The following PDIA4 variants were observed in gnomAD, a reference collection of about 807,000 sequenced individuals.
PDIA4 encodes protein disulfide-isomerase A4.
PDIA4 carries 33 observed loss-of-function variants against 62.1 expected under a neutral mutation model. The ratio of observed to expected loss-of-function variants is 0.53; its 90% CI spans 0.40 to 0.71. The LOEUF (loss-of-function observed/expected upper bound fraction) is 0.71. PDIA4 is among the 30% of genes least tolerant of loss of function. The pLI is 0.00. For synonymous variants in PDIA4, 341 were observed against 324.1 expected, an observed-to-expected ratio of 1.05 and a Z score of -0.56; for missense variants, 804 against 813.6, an observed-to-expected ratio of 0.99 and a Z score of 0.14.
At chr7:149,015,581 T>TA (rs1468351071) in intron 3 of PDIA4, among the ~76,000 whole-genome samples, 2 of 151,858 alleles carry the variant, frequency 1.3e-5, no homozygotes, top group Non-Finnish European at 2.9e-5. Context: ...AGAAGGCTTT[T>TA]AAAAAATGCC....
At chr7:149,020,665 G>GGCTCTGTGTCATT (rs1267136405) in intron 2 of PDIA4, among the ~76,000 whole-genome samples, 9 of 152,174 alleles carry the variant, frequency 5.9e-5, no homozygotes, top group Non-Finnish European at 1.0e-4. Context: ...ACCAACACAG[G>GGCTCTGTGTCATT]GCTCTGTGTC....
intron 1 of PDIA4, among the ~76,000 whole-genome samples, chr7:149,027,327 T>C (rs965736301): frequency 6.6e-6 from 1 of 152,306 alleles, no homozygotes; most frequent in East Asian, 1.9e-4. Context: ...GGTTTTTACT[T>C]CCTTTTCTAT....
rs777547407 is a variant in PDIA4 at position 149,006,056 on chromosome 7, G to A, written c.1132-3C>T. On this transcript the variant is annotated splice_polypyrimidine_tract_variant and splice_region_variant and intron_variant, in intron 7 of 9. Transcript: ENST00000652332. ...ATGGCCGAGTCCTGGGTGGAGCCCTGCTTCAAAGAGGGAACAGGTGAGGGG... is the reference window on the plus strand; with the variant it reads ...ATGGCCGAGTCCTGGGTGGAGCCCTACTTCAAAGAGGGAACAGGTGAGGGG... The A allele has an allele frequency of 6.4e-7, 1 of 1,554,446 alleles. No individual in the cohort carries two copies. Among genetic ancestry groups the A allele is most frequent in the Non-Finnish European group, 8.6e-7 (1 of 1,158,626 alleles).
chr7:149,008,625 C>A lies in PDIA4; in HGVS notation c.980-315G>T, dbSNP rs141261666. Among the ~76,000 whole-genome samples the A allele has an allele frequency of 2.9e-3, 447 of 151,866 alleles. 2 individuals are homozygous for A. The highest frequency in any genetic ancestry group is 0.01 in the African/African-American group (430 of 41,348). On this transcript the variant is annotated intron_variant, in intron 6 of 9. Transcript: ENST00000652332. Reference sequence around the variant, plus strand: ...GGCTGAGGCGCAAGAATTGCTTGAACTGGGGAGGTGAGGTGGACGTTGTAG... The same window carrying A: ...GGCTGAGGCGCAAGAATTGCTTGAAATGGGGAGGTGAGGTGGACGTTGTAG...
intron 3 of PDIA4, among the ~76,000 whole-genome samples, chr7:149,018,647 G>T (rs1485604750): frequency 2.0e-5 from 3 of 152,106 alleles, no homozygotes; most frequent in Non-Finnish European, 2.9e-5. Context: ...GGTCAGGCTG[G>T]TCTTGAACTC....
chr7:149,023,630 G>C (rs899769056), intron 1 of PDIA4, among the ~76,000 whole-genome samples: 5 of 152,014 alleles, frequency 3.3e-5, no homozygotes, highest in Admixed American at 2.6e-4. Context: ...GAAGATTGGA[G>C]GAAGGTCGGA....
chr7:149,021,282 A>G (rs568453496), intron 1 of PDIA4, 135 bp from the exon 2 acceptor site: 2 of 782,520 alleles, frequency 2.6e-6, no homozygotes, highest in Non-Finnish European at 4.0e-6. Flanking sequence ...CGAGGTCAGG[A>G]GTTCAAGACC....
rs1823617906 is a variant in PDIA4, at chr7:149,003,557, A to G, written c.*237T>C. The G allele has an allele frequency of 2.7e-6, 1 of 375,538 alleles. No individual in the cohort carries two copies. The highest frequency in any genetic ancestry group is 4.7e-6 in the Non-Finnish European group (1 of 213,128). 23.3% of individuals were successfully genotyped at this position (375,538 alleles called of 1,614,324 possible). On this transcript the variant is annotated 3_prime_UTR_variant, in exon 10 of 10. Coordinates refer to ENST00000652332, the MANE Select transcript of PDIA4 (RefSeq NM_004911.5). ...GAAGGTGTAAAAAAAAATTTTTCAA[A>G]CCCCAAATAATGATAAAAATAGATG...
rs1305567612 is a variant in PDIA4, at chr7:149,004,036, T to C, written c.1696A>G (p.Asn566Asp). ...CCCTTGTACTTCTTGGCCAGGCTGT[T>C]GTACACGGGCTCTAGCTGCTTGCAG... Reference protein sequence around the residue: ...GHCKQLEPVYNSLAKKYKGQK... With the variant: ...GHCKQLEPVYDSLAKKYKGQK... The change falls in exon 10 of 10, where the codon AAC becomes GAC. Residue 566 changes from asparagine to aspartate, a missense_variant. Asn to Asp is a conservative substitution (Grantham distance 23). Coordinates refer to ENST00000652332, the MANE Select transcript of PDIA4 (RefSeq NM_004911.5). The C allele has an allele frequency of 1.2e-6, 2 of 1,614,232 alleles. No homozygotes were observed. The highest frequency in any genetic ancestry group is 1.7e-6 in the Non-Finnish European group (2 of 1,180,038).
chr7:149,025,720 G>C (rs1346962683), intron 1 of PDIA4, among the ~76,000 whole-genome samples: 5 of 152,052 alleles, frequency 3.3e-5, no homozygotes, highest in Admixed American at 3.3e-4. Context: ...CAAAGTTTTT[G>C]GTGGAATCAT....
At chr7:149,020,875 C>A in intron 2 of PDIA4, 92 bp downstream of exon 2, 1 of 1,509,968 alleles carries the variant, frequency 6.6e-7, no homozygotes, top group Non-Finnish European at 8.9e-7. Context: ...ACACTCCTAC[C>A]CCACCCCCCA....
chr7:149,025,640 C>T (rs1824523256), intron 1 of PDIA4, among the ~76,000 whole-genome samples: 1 of 152,172 alleles, frequency 6.6e-6, no homozygotes, highest in South Asian at 2.1e-4. Context: ...CACAAAGCTA[C>T]TTAGCGGAGG....
chr7:149,028,343 C>G lies in PDIA4; in HGVS notation c.66G>C (p.Ala22=). Residue 22 remains alanine (A), a synonymous_variant, in exon 1 of 10, where the codon GCG becomes GCC. Coordinates refer to ENST00000652332, the MANE Select transcript of PDIA4 (RefSeq NM_004911.5). ...CACCCTCGTCCGGGCCCTCGGCACC[C>G]GCCACGGCCAGCAGCTGCACCAGCC... The part of the protein sequence containing the change: ...LLGLVQLLAV[A]GAEGPDEDSS... The G allele has an allele frequency of 6.6e-7, 1 of 1,525,218 alleles. No homozygotes were observed. The allele number at this position is 1,525,218 out of a possible 1,614,324, so 94.5% of individuals were successfully genotyped here.
At chr7:149,019,220 C>G (rs1345827810) in intron 2 of PDIA4, 23 bp from the exon 3 acceptor site, 2 of 1,521,232 alleles carry the variant, frequency 1.3e-6, no homozygotes, top group Non-Finnish European at 1.8e-6. Flanking sequence ...TTAGGAAGGG[C>G]AAAAAACGTT....
chr7:149,008,783 T>G (rs1823845997), intron 6 of PDIA4, among the ~76,000 whole-genome samples: 1 of 151,848 alleles, frequency 6.6e-6, no homozygotes, highest in African/African-American at 2.4e-5. Flanking sequence ...TTCCTATAAC[T>G]TAAACACTTG....
At chr7:149,017,546 C>A (rs963959473) in intron 3 of PDIA4, among the ~76,000 whole-genome samples, 1 of 151,864 alleles carries the variant, frequency 6.6e-6, no homozygotes, top group Non-Finnish European at 1.5e-5. Context: ...ATTGCGCCAT[C>A]GTACTGCAGC....
intron 2 of PDIA4, among the ~76,000 whole-genome samples, chr7:149,020,059 G>C (rs1294439020): frequency 2.0e-5 from 3 of 152,116 alleles, no homozygotes; most frequent in African/African-American, 7.2e-5. Context: ...CTCCTAGGTT[G>C]AAGCAATTCT....
chr7:149,005,368 T>A lies in PDIA4; in HGVS notation c.1295A>T (p.Gln432Leu), dbSNP rs370075043. Reference protein sequence around the residue: ...DFSFDYRAATQFWRSKVLEVA... With the variant: ...DFSFDYRAATLFWRSKVLEVA... The stretch of plus-strand genomic sequence containing the variant: ...CTCTAGGACTTTGCTCCGCCAAAAC[T>A]GAGTTGCTGAAAGGGACCAAGGGCC... The change falls in exon 9 of 10, where the codon CAG becomes CTG. Residue 432 changes from glutamine (Q) to leucine (L), a missense_variant. Physicochemically the swap from Gln to Leu is moderately radical, Grantham distance 113. Coordinates refer to ENST00000652332, the MANE Select transcript of PDIA4 (RefSeq NM_004911.5). The A allele has an allele frequency of 1.7e-5, 28 of 1,612,516 alleles. No individual in the cohort carries two copies. The highest frequency in any genetic ancestry group is 2.4e-5 in the Non-Finnish European group (28 of 1,178,680).
Position 149,024,220 on chromosome 7 carries a change from C to G in PDIA4, c.89-3073G>C, listed in dbSNP as rs547257599. ...CGAGATCACACCATTGCACCCCAGC[C>G]TGCGTGACAAAGCGAGACTAACAAC... On this transcript the variant is annotated intron_variant, in intron 1 of 9. Transcript: ENST00000652332. Among the ~76,000 whole-genome samples, 81 of 152,260 alleles carry G rather than the reference C, an allele frequency of 5.3e-4. 1 individual carries two copies. Among genetic ancestry groups the G allele is most frequent in the Middle Eastern group, 3.4e-3 (1 of 294 alleles).
Sources: allele counts gnomAD v4.1 joint callset (sites outside exome capture counted in the v4.1 genomes callset), GRCh38; gene constraint gnomAD v4.1.1; transcripts MANE v1.5; gene names NCBI Gene and HGNC (gene_info 2026-07-23, HGNC 2026-07-21).